FER1L6: variants seen among roughly 807,000 people sequenced by gnomAD.
FER1L6 encodes fer-1 like family member 6.
A neutral mutation model predicts 219.2 loss-of-function variants in FER1L6; 177 were observed. That is an observed-to-expected ratio of 0.81 (90% confidence interval 0.71 to 0.91). FER1L6 has a LOEUF of 0.91. Among genes scored for constraint, FER1L6 ranks in the 40% least tolerant of loss-of-function variants. FER1L6 has a pLI of 0.00. For missense variants in FER1L6, 2,153 were observed against 2,259.9 expected (o/e 0.95, Z 0.96); for synonymous variants, 768 against 824.3 (o/e 0.93, Z 1.17).
At chr8:123,880,872 T>C (rs16898978) in intron 1 of FER1L6, among the ~76,000 whole-genome samples, 4,314 of 150,580 alleles carry the variant, frequency 0.029, 209 homozygotes, top group African/African-American at 0.098. Context: ...GATGCAATTC[T>C]GGGAGCTTTG....
chr8:123,902,416 C>T (rs1031139514), intron 1 of FER1L6, among the ~76,000 whole-genome samples: 9 of 152,086 alleles, frequency 5.9e-5, no homozygotes, highest in Admixed American at 3.3e-4. Context: ...ATTGAAGTCC[C>T]CCACTATTAT....
At chr8:124,069,109 T>C (rs1820954292) in intron 28 of FER1L6, among the ~76,000 whole-genome samples, 1 of 151,872 alleles carries the variant, frequency 6.6e-6, no homozygotes, top group South Asian at 2.1e-4. Context: ...GCTAATTTTT[T>C]GTATTTTTAA....
intron 1 of FER1L6, among the ~76,000 whole-genome samples, chr8:123,906,476 GA>G: frequency 6.6e-6 from 1 of 152,042 alleles, no homozygotes. Context: ...CAACAACACA[GA>G]TATAAAAAGT....
intron 25 of FER1L6, 81 bp downstream of exon 25, chr8:124,062,113 A>G: frequency 3.4e-6 from 5 of 1,465,474 alleles, no homozygotes; most frequent in Admixed American, 1.8e-5. Flanking sequence ...GATTGGCTCA[A>G]AGAGGATGCC....
At chr8:123,908,685 T>C (rs1813000937) in intron 1 of FER1L6, among the ~76,000 whole-genome samples, 1 of 152,196 alleles carries the variant, frequency 6.6e-6, no homozygotes, top group African/African-American at 2.4e-5. Flanking sequence ...ATAAGATTGC[T>C]CATAACCTAG....
At chr8:124,010,262 T>G (rs988653882) in intron 13 of FER1L6, among the ~76,000 whole-genome samples, 1 of 151,986 alleles carries the variant, frequency 6.6e-6, no homozygotes, top group African/African-American at 2.4e-5. Context: ...GGCAGCAAAT[T>G]AATTACTTAA....
chr8:123,936,460 C>CTTTTTTTT (rs1319403886), intron 1 of FER1L6, among the ~76,000 whole-genome samples: 1 of 88,012 alleles, frequency 1.1e-5, no homozygotes, highest in African/African-American at 4.9e-5. Flanking sequence ...TAATTGCAGC[C>CTTTTTTTT]TGTTTTTTTT....
At chr8:124,012,800 G>A (rs1015114271) in intron 14 of FER1L6, among the ~76,000 whole-genome samples, 5 of 152,190 alleles carry the variant, frequency 3.3e-5, no homozygotes, top group African/African-American at 9.6e-5. Flanking sequence ...ATATAGTTTC[G>A]TAAATTCTAG....
chr8:124,049,726 G>A lies in FER1L6; in HGVS notation c.2844G>A (p.Gly948=). Residue 948 remains glycine, a synonymous_variant, in exon 22 of 41, where the codon GGG becomes GGA. Coordinates refer to ENST00000522917, the MANE Select transcript of FER1L6 (RefSeq NM_001039112.2). ...HPIFCGNLSG[G]DLLAVFELLQ... is the part of the protein sequence containing the mutation. ...TCTTTTGTGGGAATCTCTCTGGAGG[G>A]GATCTCCTTGCTGTATTTGAACTGC... is the stretch of plus-strand genomic sequence containing the variant. 2 of 1,613,994 alleles carry A rather than the reference G, an allele frequency of 1.2e-6. No individual in the cohort carries two copies. Among genetic ancestry groups the A allele is most frequent in the South Asian group, 2.2e-5 (2 of 91,070 alleles).
chr8:124,109,142 G>A (rs945741933), intron 39 of FER1L6, among the ~76,000 whole-genome samples: 1 of 151,776 alleles, frequency 6.6e-6, no homozygotes, highest in African/African-American at 2.4e-5. Context: ...GGAGCTCCTT[G>A]AGAGAGAGAT....
At chr8:123,873,758 T>C (rs545765780) in intron 1 of FER1L6, among the ~76,000 whole-genome samples, 1 of 152,314 alleles carries the variant, frequency 6.6e-6, no homozygotes, top group South Asian at 2.1e-4. Flanking sequence ...TCTTCTGTTC[T>C]ACCACAGCAT....
intron 1 of FER1L6, among the ~76,000 whole-genome samples, chr8:123,933,803 T>C (rs1322131690): frequency 1.3e-5 from 2 of 152,038 alleles, no homozygotes; most frequent in Non-Finnish European, 2.9e-5. Context: ...TTTTTCTTGC[T>C]TTTTTTTCCA....
At chr8:124,034,471 G>A (rs10453081) in intron 18 of FER1L6, among the ~76,000 whole-genome samples, 2,787 of 152,242 alleles carry the variant, frequency 0.018, 89 homozygotes, top group African/African-American at 0.06. Flanking sequence ...ACACACAGGC[G>A]TATGTACACA....
chr8:123,928,076 C>T (rs917273720), intron 1 of FER1L6, among the ~76,000 whole-genome samples: 1 of 152,000 alleles, frequency 6.6e-6, no homozygotes, highest in Non-Finnish European at 1.5e-5. Context: ...CTTTGAATGG[C>T]ATTTGGAAAA....
intron 5 of FER1L6, among the ~76,000 whole-genome samples, chr8:123,969,402 C>T (rs1815695195): frequency 6.6e-6 from 1 of 152,088 alleles, no homozygotes; most frequent in Non-Finnish European, 1.5e-5. Context: ...TAAAACCATA[C>T]TGAAGTACCA....
At chr8:123,923,856 G>C (rs772042309) in intron 1 of FER1L6, among the ~76,000 whole-genome samples, 7 of 149,772 alleles carry the variant, frequency 4.7e-5, no homozygotes, top group Non-Finnish European at 5.9e-5. Flanking sequence ...AGAATTGCTT[G>C]AACTGGGACC....
At chr8:123,896,561 C>G (rs1812744335) in intron 1 of FER1L6, among the ~76,000 whole-genome samples, 1 of 152,122 alleles carries the variant, frequency 6.6e-6, no homozygotes, top group African/African-American at 2.4e-5. Context: ...TTCTTTTTGC[C>G]TGAAAGTTCG....
chr8:123,897,871 G>A (rs1282227300), intron 1 of FER1L6, among the ~76,000 whole-genome samples: 1 of 152,062 alleles, frequency 6.6e-6, no homozygotes, highest in Non-Finnish European at 1.5e-5. Flanking sequence ...AATATGTTAG[G>A]CTTTATGGGA....
intron 1 of FER1L6, among the ~76,000 whole-genome samples, chr8:123,905,113 CAT>C (rs1812927212): frequency 1.3e-5 from 2 of 152,204 alleles, no homozygotes; most frequent in South Asian, 4.1e-4. Context: ...TTCCAGGAAA[CAT>C]GTGCAAGACG....
Sources: gnomAD v4.1 joint callset for allele counts (sites outside exome capture counted in the v4.1 genomes callset) on GRCh38, gnomAD v4.1.1 for gene constraint, MANE v1.5 for transcripts, NCBI Gene and HGNC (gene_info 2026-07-23, HGNC 2026-07-21) for gene names.